The following RBFOX1 variants were observed in gnomAD, a reference collection of about 807,000 sequenced individuals.
RBFOX1 encodes RNA binding fox-1 homolog 1.
A neutral mutation model predicts 57.7 loss-of-function variants in RBFOX1; 8 were observed. The ratio of observed to expected loss-of-function variants is 0.14; its 90% CI spans 0.08 to 0.25. RBFOX1 has a LOEUF of 0.25. Among genes scored for constraint, RBFOX1 ranks in the 10% least tolerant of loss-of-function variants. The pLI, the probability that RBFOX1 is intolerant of heterozygous loss-of-function variation, is 1.00. For missense variants in RBFOX1, 611 were observed against 548.5 expected (o/e 1.11, Z -1.14); for synonymous variants, 326 against 222.4 (o/e 1.47, Z -4.15).
chr16:5,794,876 C>T (rs955829855), intron 3 of RBFOX1, among the ~76,000 whole-genome samples: 9 of 152,276 alleles, frequency 5.9e-5, no homozygotes, highest in South Asian at 2.1e-4. Flanking sequence ...TGGCGACATT[C>T]GGCAAGATGG....
At chr16:6,976,780 ATATAT>A (rs528157864) in intron 3 of RBFOX1, among the ~76,000 whole-genome samples, 28 of 83,826 alleles carry the variant, frequency 3.3e-4, no homozygotes, top group African/African-American at 9.4e-4. Context: ...TGACATATCA[ATATAT>A]TATATATATG....
At chr16:6,036,681 G>A (rs2095369562) in intron 1 of RBFOX1, among the ~76,000 whole-genome samples, 1 of 152,010 alleles carries the variant, frequency 6.6e-6, no homozygotes, top group African/African-American at 2.4e-5. Context: ...TGAGAGATAG[G>A]GACAAATACA....
intron 5 of RBFOX1, among the ~76,000 whole-genome samples, chr16:7,560,078 G>C (rs1326908134): frequency 1.3e-5 from 2 of 152,202 alleles, no homozygotes; most frequent in African/African-American, 4.8e-5. Flanking sequence ...AGAAATCTGG[G>C]TGTTCCACAC....
intron 1 of RBFOX1, among the ~76,000 whole-genome samples, chr16:6,159,010 C>T (rs759493150): frequency 3.3e-5 from 5 of 151,990 alleles, no homozygotes. Context: ...TCAAGCAATT[C>T]TCCTGCCTCA....
chr16:7,281,511 C>T (rs1007905024), intron 4 of RBFOX1, among the ~76,000 whole-genome samples: 1 of 152,048 alleles, frequency 6.6e-6, no homozygotes, highest in Admixed American at 6.5e-5. Flanking sequence ...AAGGATTGCA[C>T]ACATACACAC....
At chr16:7,266,772 A>G (rs986270404) in intron 4 of RBFOX1, among the ~76,000 whole-genome samples, 1 of 140,840 alleles carries the variant, frequency 7.1e-6, no homozygotes, top group African/African-American at 2.7e-5. Flanking sequence ...CTACAAAGGG[A>G]AAAAAAATAA....
intron 13 of RBFOX1, among the ~76,000 whole-genome samples, chr16:7,666,270 G>A (rs897275432): frequency 6.6e-6 from 1 of 152,068 alleles, no homozygotes; most frequent in African/African-American, 2.4e-5. Flanking sequence ...GAGCCAGAAT[G>A]GTAGTTGGCA....
intron 4 of RBFOX1, among the ~76,000 whole-genome samples, chr16:7,206,015 G>A (rs2089893797): frequency 6.6e-6 from 1 of 152,184 alleles, no homozygotes; most frequent in African/African-American, 2.4e-5. Context: ...ACACAGGTGT[G>A]GCTTGCCCAC....
At chr16:5,896,749 GGAGAA>G (rs1435720321) in intron 4 of RBFOX1, among the ~76,000 whole-genome samples, 1 of 152,130 alleles carries the variant, frequency 6.6e-6, no homozygotes, top group African/African-American at 2.4e-5. Flanking sequence ...GTTTCCATTT[GGAGAA>G]GAGGAGATAT....
intron 14 of RBFOX1, among the ~76,000 whole-genome samples, chr16:7,706,107 C>G (rs749764558): frequency 6.6e-6 from 1 of 152,176 alleles, no homozygotes; most frequent in East Asian, 1.9e-4. Context: ...CTTGGCATAT[C>G]TGCTGCAAAC....
intron 2 of RBFOX1, among the ~76,000 whole-genome samples, chr16:6,539,806 G>GACAAACACACACACACACACACACACAC: frequency 7.3e-6 from 1 of 136,328 alleles, no homozygotes; most frequent in South Asian, 2.6e-4. Flanking sequence ...TCAAAACACA[G>GACAAACACACACACACACACACACACAC]ACACACACAC....
chr16:5,668,053 A>G (rs896548657), intron 3 of RBFOX1, among the ~76,000 whole-genome samples: 3 of 152,114 alleles, frequency 2.0e-5, no homozygotes, highest in Non-Finnish European at 4.4e-5. Flanking sequence ...ATCACCAACA[A>G]GCATGCTTTA....
intron 3 of RBFOX1, among the ~76,000 whole-genome samples, chr16:6,831,645 G>T (rs553240787): frequency 6.6e-6 from 1 of 152,120 alleles, no homozygotes; most frequent in Non-Finnish European, 1.5e-5. Flanking sequence ...AGGGTTTTAA[G>T]CATTTTTTTT....
intron 4 of RBFOX1, among the ~76,000 whole-genome samples, chr16:7,378,103 A>G (rs2097717730): frequency 6.6e-6 from 1 of 152,214 alleles, no homozygotes; most frequent in Non-Finnish European, 1.5e-5. Flanking sequence ...AGAAAAGAAT[A>G]ATTGAGAAGT....
At position 6,692,632 on chromosome 16, in the gene RBFOX1, C is replaced by T. The variant is rs527864557; in HGVS notation, c.-16+37982C>T. Among the ~76,000 whole-genome samples, 17 of 46,462 alleles carry T rather than the reference C, an allele frequency of 3.7e-4. No individual in the cohort carries two copies. The East Asian group carries it at 4.6e-3, about 13-fold the overall frequency. The allele number at this position is 46,462 out of a possible 152,430, so 30.5% of individuals were successfully genotyped here. ...TCCACCATGCACTTTTCCATCCAAA[C>T]ACATTTTTTTTTTTTTACTGTTTCT... is the stretch of plus-strand genomic sequence containing the variant. On this transcript the variant is annotated intron_variant, in intron 3 of 15. Transcript: ENST00000550418.
chr16:6,557,106 CATAT>C (rs1375330978), intron 2 of RBFOX1, among the ~76,000 whole-genome samples: 3 of 139,464 alleles, frequency 2.2e-5, no homozygotes, highest in African/African-American at 8.2e-5. Context: ...TATATACATA[CATAT>C]ATACATATAT....
chr16:6,768,235 C>T (rs1381133504), intron 3 of RBFOX1, among the ~76,000 whole-genome samples: 2 of 151,952 alleles, frequency 1.3e-5, no homozygotes, highest in African/African-American at 2.4e-5. Flanking sequence ...GAAACAAGGA[C>T]CTCACTTTTT....
intron 3 of RBFOX1, among the ~76,000 whole-genome samples, chr16:6,996,441 C>G (rs1363941185): frequency 5.3e-5 from 8 of 151,992 alleles, no homozygotes; most frequent in Non-Finnish European, 7.4e-5. Context: ...GTGTTTATAT[C>G]TAGATTGATA....
intron 4 of RBFOX1, among the ~76,000 whole-genome samples, chr16:7,187,048 G>C (rs988931744): frequency 2.0e-5 from 3 of 150,068 alleles, no homozygotes; most frequent in East Asian, 3.9e-4. Flanking sequence ...TGGTGATGTG[G>C]TCCCAGCTAC....
Sources: gnomAD v4.1 joint callset for allele counts (sites outside exome capture counted in the v4.1 genomes callset) on GRCh38, gnomAD v4.1.1 for gene constraint, MANE v1.5 for transcripts, NCBI Gene and HGNC (gene_info 2026-07-23, HGNC 2026-07-21) for gene names.